CACNA1E: variants seen among roughly 807,000 people sequenced by gnomAD.
CACNA1E encodes calcium voltage-gated channel subunit alpha1 E.
CACNA1E carries 40 observed loss-of-function variants against 259.2 expected under a neutral mutation model. That is an observed-to-expected ratio of 0.15 (90% CI 0.12 to 0.20). The LOEUF is 0.20. Ranked by LOEUF, CACNA1E falls within the 10% of genes least tolerant of loss-of-function variation. CACNA1E has a pLI of 1.00. For missense variants in CACNA1E, 1,874 were observed against 3,040.1 expected, an observed-to-expected ratio of 0.62 and a Z score of 9.02; for synonymous variants, 1,104 against 1,138.5, an observed-to-expected ratio of 0.97 and a Z score of 0.61.
chr1:181,746,734 G>A (rs1657119707), intron 25 of CACNA1E, among the ~76,000 whole-genome samples: 1 of 144,838 alleles, frequency 6.9e-6, no homozygotes, highest in Admixed American at 7.0e-5. Flanking sequence ...TGATAGCTTA[G>A]TATTTGAGAT....
Position 181,518,399 on chromosome 1 carries a change from C to T in CACNA1E, c.512+6889C>T, listed in dbSNP as rs539810453. 2.6e-5 allele frequency among the ~76,000 whole-genome samples: 4 copies of T among 152,330 alleles called. No individual in the cohort carries two copies. In the South Asian group the frequency reaches 8.3e-4, roughly 32 times the overall value. ...TCTAGCTCCACACTGGGGAGCACAG[C>T]TGCCACTTGCAGCATCTCCTTTTAT... On this transcript the variant is annotated intron_variant, in intron 3 of 47. Coordinates refer to ENST00000367573, the MANE Select transcript of CACNA1E (RefSeq NM_001205293.3).
intron 1 of CACNA1E, among the ~76,000 whole-genome samples, chr1:181,388,159 C>T (rs1462863474): frequency 1.3e-5 from 2 of 152,208 alleles, no homozygotes; most frequent in Non-Finnish European, 2.9e-5. Context: ...GCACGGCCAT[C>T]GCTGGAACAT....
chr1:181,455,881 G>A (rs537251036), intron 2 of CACNA1E, among the ~76,000 whole-genome samples: 32 of 152,316 alleles, frequency 2.1e-4, no homozygotes, highest in African/African-American at 6.5e-4. Flanking sequence ...TGCCAGATGC[G>A]TCACAGAGGG....
At chr1:181,616,319 T>TTTTG (rs916243805) in intron 6 of CACNA1E, among the ~76,000 whole-genome samples, 18 of 150,158 alleles carry the variant, frequency 1.2e-4, no homozygotes, top group South Asian at 4.3e-4. Flanking sequence ...CTTGGAGGTT[T>TTTTG]TTTGTTTGTT....
intron 6 of CACNA1E, among the ~76,000 whole-genome samples, chr1:181,583,553 T>A (rs1465385360): frequency 6.6e-6 from 1 of 152,232 alleles, no homozygotes; most frequent in Non-Finnish European, 1.5e-5. Context: ...CAGTTTAACC[T>A]TTTTATATGC....
chr1:181,430,315 T>C (rs563176431), intron 2 of CACNA1E, among the ~76,000 whole-genome samples: 2 of 152,164 alleles, frequency 1.3e-5, no homozygotes, highest in Non-Finnish European at 2.9e-5. Flanking sequence ...AAGAAGAAAG[T>C]CCTCTGCCAC....
chr1:181,747,325 G>C (rs1024910035), intron 25 of CACNA1E, among the ~76,000 whole-genome samples: 1 of 152,248 alleles, frequency 6.6e-6, no homozygotes, highest in African/African-American at 2.4e-5. Flanking sequence ...AGAAGAGGGG[G>C]CTGGGAGGTG....
At chr1:181,381,792 G>T (rs779326553) in intron 1 of CACNA1E, among the ~76,000 whole-genome samples, 3 of 152,190 alleles carry the variant, frequency 2.0e-5, no homozygotes, top group Non-Finnish European at 4.4e-5. Context: ...AAGTGTGGTG[G>T]TCGGATCAGC....
intron 6 of CACNA1E, among the ~76,000 whole-genome samples, chr1:181,617,043 T>A (rs906367610): frequency 2.6e-5 from 4 of 152,194 alleles, no homozygotes; most frequent in African/African-American, 9.6e-5. Context: ...ATGGTGATAA[T>A]CTCTGCTTTC....
intron 30 of CACNA1E, 35 bp from the exon 31 acceptor site, chr1:181,757,912 T>C: frequency 1.2e-6 from 2 of 1,608,894 alleles, no homozygotes; most frequent in Non-Finnish European, 1.7e-6. Flanking sequence ...TCTAGGGGAT[T>C]TGAATTTGTG....
chr1:181,476,802 C>T (rs975541954), intron 2 of CACNA1E, among the ~76,000 whole-genome samples: 2 of 152,144 alleles, frequency 1.3e-5, no homozygotes, highest in African/African-American at 2.4e-5. Flanking sequence ...CCTCTGCTCA[C>T]CCCCATCAGT....
chr1:181,516,110 T>C lies in CACNA1E; in HGVS notation c.512+4600T>C, dbSNP rs535687392. ...CAATTTCTAGGCCATTAAGCAATATTGGGCTTCCAGTCACCTGTGGTTATT... is the reference window on the plus strand; with the variant it reads ...CAATTTCTAGGCCATTAAGCAATATCGGGCTTCCAGTCACCTGTGGTTATT... On this transcript the variant is annotated intron_variant, in intron 3 of 47. Transcript: ENST00000367573. Among the ~76,000 whole-genome samples, 4 of 152,252 alleles carry C rather than the reference T, an allele frequency of 2.6e-5. No homozygotes were observed. The East Asian group carries it at 7.7e-4, about 29-fold the overall frequency.
intron 1 of CACNA1E, among the ~76,000 whole-genome samples, chr1:181,397,902 A>G (rs538831799): frequency 1.3e-5 from 2 of 152,116 alleles, no homozygotes; most frequent in African/African-American, 2.4e-5. Flanking sequence ...GATCCTGGAC[A>G]CTCTCCTAGC....
chr1:181,707,410 G>A (rs1652895966), intron 7 of CACNA1E, among the ~76,000 whole-genome samples: 1 of 152,118 alleles, frequency 6.6e-6, no homozygotes, highest in East Asian at 1.9e-4. Flanking sequence ...AGAAGAGCAG[G>A]GAACCCAGCG....
rs1009255632 is a variant in CACNA1E at position 181,776,593 on chromosome 1, G to C, written c.5267+365G>C. Among the ~76,000 whole-genome samples the C allele has an allele frequency of 3.9e-5, 6 of 152,206 alleles. No individual in the cohort carries two copies. The highest frequency in any genetic ancestry group is 1.4e-4 in the African/African-American group (6 of 41,448). On this transcript the variant is annotated intron_variant, in intron 38 of 47. Transcript: ENST00000367573. The surrounding 1 kb of genome is among the most constrained non-coding windows in gnomAD (Gnocchi z 4.4). ...GGGGTTTGACAAGGGTTTTTGGCCA[G>C]CTGGACATCTGGCCACCATGATCAG...
At position 181,467,960 on chromosome 1, in the gene CACNA1E, G is replaced by C. The variant is rs630130; in HGVS notation, c.435-15784G>C. On this transcript the variant is annotated intron_variant, in intron 2 of 11. Coordinates refer to the CACNA1E transcript ENST00000524607. ...GCTGCTGAATATCCTACAGTGCAAG[G>C]GCATCCCCTATGACAAAGAATTATG... 5.9e-3 allele frequency among the ~76,000 whole-genome samples: 900 copies of C among 152,230 alleles called. 6 individuals are homozygous for C. Among genetic ancestry groups the C allele is most frequent in the African/African-American group, 0.021 (856 of 41,538 alleles).
intron 43 of CACNA1E, among the ~76,000 whole-genome samples, chr1:181,786,389 C>T (rs572916419): frequency 9.6e-4 from 146 of 152,322 alleles, no homozygotes; most frequent in African/African-American, 3.5e-3. Flanking sequence ...AGGTTAACTA[C>T]GTTGCCTAAA....
chr1:181,349,828 G>C (rs1468241510), intron 1 of CACNA1E, among the ~76,000 whole-genome samples: 1 of 152,130 alleles, frequency 6.6e-6, no homozygotes, highest in African/African-American at 2.4e-5. Context: ...ATGTGAAAAG[G>C]AGCAAAGTTG....
intron 6 of CACNA1E, among the ~76,000 whole-genome samples, chr1:181,607,844 C>G (rs1475340064): frequency 6.6e-6 from 1 of 152,064 alleles, no homozygotes; most frequent in Non-Finnish European, 1.5e-5. Flanking sequence ...CAGGCAGCAT[C>G]CTGGCAGGAA....
Sources: gnomAD v4.1 joint callset for allele counts (sites outside exome capture counted in the v4.1 genomes callset) on GRCh38, gnomAD v4.1.1 for gene constraint, Gnocchi (gnomAD v3.1) non-coding constraint, MANE v1.5 for transcripts, NCBI Gene and HGNC (gene_info 2026-07-23, HGNC 2026-07-21) for gene names.